PRKG1: variants seen among roughly 807,000 people sequenced by gnomAD.
The protein encoded by PRKG1 is cGMP-dependent protein kinase 1.
In PRKG1, 35 loss-of-function variants were observed where a neutral mutation model predicts 88.1. That is an observed-to-expected ratio of 0.40 (90% CI 0.30 to 0.53). The LOEUF is 0.53. Ranked by LOEUF, PRKG1 falls within the 20% of genes least tolerant of loss-of-function variation. The pLI, the probability that PRKG1 is intolerant of heterozygous loss-of-function variation, is 0.59. For synonymous variants in PRKG1, 303 were observed against 292.5 expected (o/e 1.04, Z -0.37); for missense variants, 540 against 839.8 (o/e 0.64, Z 4.41).
At chr10:51,926,025 TA>T (rs568823684) in intron 5 of PRKG1, among the ~76,000 whole-genome samples, 13 of 152,302 alleles carry the variant, frequency 8.5e-5, no homozygotes, top group Admixed American at 8.5e-4. Context: ...CTCTTACTGT[TA>T]TTTATTATTA....
At chr10:51,590,060 G>A (rs1838271345) in intron 3 of PRKG1, among the ~76,000 whole-genome samples, 1 of 152,164 alleles carries the variant, frequency 6.6e-6, no homozygotes, top group Admixed American at 6.6e-5. Flanking sequence ...TTAAGAGCTT[G>A]TGTTTGTGTG....
intron 9 of PRKG1, among the ~76,000 whole-genome samples, chr10:52,177,012 T>C (rs1838884479): frequency 6.6e-6 from 1 of 152,146 alleles, no homozygotes; most frequent in Non-Finnish European, 1.5e-5. Flanking sequence ...CTTTATTTGT[T>C]TCTCTTGCCT....
At chr10:51,526,907 C>T (rs2132086128) in intron 3 of PRKG1, among the ~76,000 whole-genome samples, 1 of 152,230 alleles carries the variant, frequency 6.6e-6, no homozygotes, top group African/African-American at 2.4e-5. Context: ...TATGTTTCAC[C>T]TCCTCCATGC....
At chr10:51,813,312 T>G (rs760063678) in intron 4 of PRKG1, among the ~76,000 whole-genome samples, 3 of 151,250 alleles carry the variant, frequency 2.0e-5, no homozygotes, top group Non-Finnish European at 4.4e-5. Context: ...AATGGCAAAT[T>G]TCAACAATGC....
In PRKG1 at chr10:51,858,331, TA is replaced by T. The variant is rs1554849429; in HGVS notation, c.699-49174del. ...ATATATGTATAATATGTATTATATATAATATATATATTATATAAAATATATA... is the reference window on the plus strand; with the variant it reads ...ATATATGTATAATATGTATTATATATATATATATATTATATAAAATATATA... On this transcript the variant is annotated intron_variant, in intron 4 of 17. Coordinates refer to ENST00000373980, the MANE Select transcript of PRKG1 (RefSeq NM_006258.4). Among the ~76,000 whole-genome samples, 7 of 32,032 alleles carry T rather than the reference TA, an allele frequency of 2.2e-4. 1 individual carries two copies. Among genetic ancestry groups the T allele is most frequent in the Non-Finnish European group, 4.3e-4 (7 of 16,286 alleles). The allele number at this position is 32,032 out of a possible 152,430, so 21.0% of individuals were successfully genotyped here.
At chr10:51,397,889 T>G (rs1195141316) in intron 2 of PRKG1, among the ~76,000 whole-genome samples, 1 of 152,210 alleles carries the variant, frequency 6.6e-6, no homozygotes, top group Non-Finnish European at 1.5e-5. Flanking sequence ...AGGCAGAATG[T>G]GTCACTTACT....
chr10:52,128,114 T>C, intron 7 of PRKG1: 1 of 985,400 alleles, frequency 1.0e-6, no homozygotes, highest in South Asian at 4.7e-5. Flanking sequence ...CTGTGTGAAC[T>C]AAACTTAACT....
intron 3 of PRKG1, among the ~76,000 whole-genome samples, chr10:51,474,466 T>A (rs2132830101): frequency 6.6e-6 from 1 of 151,992 alleles, no homozygotes; most frequent in East Asian, 1.9e-4. Flanking sequence ...TTCTGTAACA[T>A]AATGATGAGA....
At chr10:52,156,598 T>C (rs1231444529) in intron 8 of PRKG1, among the ~76,000 whole-genome samples, 3 of 151,832 alleles carry the variant, frequency 2.0e-5, no homozygotes, top group Non-Finnish European at 4.4e-5. Context: ...TTGGGGGTAA[T>C]TTTTTCTCCA....
At chr10:51,138,664 C>T (rs1436656950) in intron 1 of PRKG1, among the ~76,000 whole-genome samples, 2 of 111,860 alleles carry the variant, frequency 1.8e-5, no homozygotes, top group Admixed American at 9.6e-5. Flanking sequence ...TCTTTTTGGA[C>T]ATTGAGTTTT....
chr10:51,814,678 A>T (rs756028170), intron 4 of PRKG1, among the ~76,000 whole-genome samples: 1 of 152,158 alleles, frequency 6.6e-6, no homozygotes, highest in African/African-American at 2.4e-5. Flanking sequence ...ATTCTCATTA[A>T]AGATGACACA....
chr10:51,658,896 C>T (rs1420390291), intron 3 of PRKG1, among the ~76,000 whole-genome samples: 2 of 151,610 alleles, frequency 1.3e-5, no homozygotes, highest in African/African-American at 4.8e-5. Flanking sequence ...TTTTTTTGCC[C>T]AAATCCTTTC....
At chr10:51,346,539 A>G (rs1278578374) in intron 2 of PRKG1, among the ~76,000 whole-genome samples, 1 of 152,200 alleles carries the variant, frequency 6.6e-6, no homozygotes, top group African/African-American at 2.4e-5. Context: ...CAACTGTTTT[A>G]TGTTACTTTT....
chr10:51,530,781 CA>C (rs1564537022), intron 3 of PRKG1, among the ~76,000 whole-genome samples: 2 of 152,162 alleles, frequency 1.3e-5, no homozygotes, highest in African/African-American at 2.4e-5. Context: ...ACCTTCCACC[CA>C]CCCCAAGAAA....
In PRKG1 at chr10:51,032,753, TCAAA is replaced by T. The variant is rs373263836; in HGVS notation, c.266+41126_266+41129del. 5.5e-4 allele frequency among the ~76,000 whole-genome samples: 84 copies of T among 152,194 alleles called. 2 individuals are homozygous for T. The South Asian group carries it at 0.012, about 21-fold the overall frequency. The stretch of plus-strand genomic sequence containing the variant: ...CATGCAGTGGGGGGGTGACTCTGTC[TCAAA>T]CAAACAAACAAACAAATATTATTTT... On this transcript the variant is annotated intron_variant, in intron 1 of 17. Transcript: ENST00000401604.
chr10:51,761,688 C>T (rs12258583), intron 3 of PRKG1, among the ~76,000 whole-genome samples: 61,793 of 151,910 alleles, frequency 0.41, 13,157 homozygotes, highest in Middle Eastern at 0.55. Flanking sequence ...TTTCTTTCAT[C>T]GGAATTTATT....
intron 2 of PRKG1, among the ~76,000 whole-genome samples, chr10:51,404,360 T>A (rs1256494918): frequency 6.6e-6 from 1 of 152,224 alleles, no homozygotes; most frequent in Non-Finnish European, 1.5e-5. Context: ...GATGAAACAA[T>A]AACTGGGACA....
At chr10:51,488,119 T>C (rs1840600354) in intron 3 of PRKG1, among the ~76,000 whole-genome samples, 1 of 152,172 alleles carries the variant, frequency 6.6e-6, no homozygotes, top group East Asian at 1.9e-4. Context: ...ACATGTATGA[T>C]AAATGCCAAA....
intron 9 of PRKG1, among the ~76,000 whole-genome samples, chr10:52,168,435 A>T (rs1838556422): frequency 6.6e-6 from 1 of 152,198 alleles, no homozygotes; most frequent in South Asian, 2.1e-4. Context: ...AAGTAGCAAT[A>T]TGCCTGAGAC....
Sources: gnomAD v4.1 joint callset for allele counts (sites outside exome capture counted in the v4.1 genomes callset) on GRCh38, gnomAD v4.1.1 for gene constraint, MANE v1.5 for transcripts, NCBI Gene and HGNC (gene_info 2026-07-23, HGNC 2026-07-21) for gene names.